AGBL4: variants seen among roughly 807,000 people sequenced by gnomAD.
The protein encoded by AGBL4 is cytosolic carboxypeptidase 6.
A neutral mutation model predicts 66.4 loss-of-function variants in AGBL4; 58 were observed. That is an observed-to-expected ratio of 0.87 (90% confidence interval 0.71 to 1.09). AGBL4 has a LOEUF of 1.09. Among genes scored for constraint, AGBL4 ranks in the 50% least tolerant of loss-of-function variants. The probability of loss-of-function intolerance (pLI) is 0.00; values close to 1 mark genes in which losing one functional copy is unlikely to be tolerated. For synonymous variants in AGBL4, 234 were observed against 222.9 expected (o/e 1.05, Z -0.44); for missense variants, 579 against 631.0 (o/e 0.92, Z 0.88).
intron 3 of AGBL4, among the ~76,000 whole-genome samples, chr1:49,662,463 A>C (rs1302758315): frequency 1.3e-5 from 2 of 152,092 alleles, no homozygotes; most frequent in Non-Finnish European, 2.9e-5. Flanking sequence ...CAACATATTG[A>C]CAGAATTTAG....
chr1:49,067,154 T>A (rs1190758896), intron 4 of AGBL4, among the ~76,000 whole-genome samples: 1 of 152,088 alleles, frequency 6.6e-6, no homozygotes, highest in African/African-American at 2.4e-5. Context: ...GGGTCGGGTG[T>A]TAGCAGACCC....
chr1:49,737,903 G>C (rs1423595366), intron 2 of AGBL4, among the ~76,000 whole-genome samples: 1 of 152,222 alleles, frequency 6.6e-6, no homozygotes, highest in Non-Finnish European at 1.5e-5. Flanking sequence ...CAACACAGAA[G>C]ACGAATGATT....
At chr1:49,525,353 C>A (rs562283790) in intron 3 of AGBL4, among the ~76,000 whole-genome samples, 2 of 152,030 alleles carry the variant, frequency 1.3e-5, no homozygotes, top group South Asian at 4.2e-4. Context: ...GCAGAAAATA[C>A]AACATTTACT....
At chr1:49,645,353 T>C (rs1645864036) in intron 3 of AGBL4, among the ~76,000 whole-genome samples, 1 of 151,266 alleles carries the variant, frequency 6.6e-6, no homozygotes, top group Non-Finnish European at 1.5e-5. Context: ...AAATTATGAA[T>C]ATTGGGTATG....
At chr1:49,623,775 G>A (rs147358436) in intron 3 of AGBL4, among the ~76,000 whole-genome samples, 1 of 152,292 alleles carries the variant, frequency 6.6e-6, no homozygotes, top group African/African-American at 2.4e-5. Flanking sequence ...CAAGGTCAAG[G>A]ACTAGGACTA....
chr1:48,543,659 T>A (rs751605995), intron 11 of AGBL4, among the ~76,000 whole-genome samples: 12 of 152,182 alleles, frequency 7.9e-5, no homozygotes, highest in Admixed American at 2.6e-4. Context: ...CATTACTCCA[T>A]CCAGGACCAT....
At chr1:49,536,887 A>G (rs1651631492) in intron 3 of AGBL4, among the ~76,000 whole-genome samples, 1 of 152,110 alleles carries the variant, frequency 6.6e-6, no homozygotes, top group Admixed American at 6.6e-5. Flanking sequence ...GGGCGCCTGT[A>G]ATGCCAGCCA....
intron 4 of AGBL4, among the ~76,000 whole-genome samples, chr1:49,053,280 C>A (rs1308218280): frequency 1.3e-5 from 2 of 152,094 alleles, no homozygotes; most frequent in Non-Finnish European, 2.9e-5. Context: ...ACAGTGATAA[C>A]CTGTTTTCTC....
intron 11 of AGBL4, among the ~76,000 whole-genome samples, chr1:48,567,716 G>A (rs2148309827): frequency 6.6e-6 from 1 of 152,318 alleles, no homozygotes; most frequent in African/African-American, 2.4e-5. Context: ...GGCTTTGAGA[G>A]GAGGATAGTG....
At chr1:48,592,938 A>C (rs1644940683) in intron 9 of AGBL4, among the ~76,000 whole-genome samples, 1 of 152,210 alleles carries the variant, frequency 6.6e-6, no homozygotes, top group Admixed American at 6.5e-5. Flanking sequence ...CATTTTTCTG[A>C]TAACCATATA....
intron 3 of AGBL4, among the ~76,000 whole-genome samples, chr1:49,362,849 T>G (rs747726065): frequency 2.0e-5 from 3 of 152,184 alleles, no homozygotes; most frequent in Non-Finnish European, 4.4e-5. Context: ...AGTGAAATTC[T>G]GAGACAAGAG....
At chr1:49,453,340 C>G (rs1436965521) in intron 3 of AGBL4, among the ~76,000 whole-genome samples, 5 of 151,822 alleles carry the variant, frequency 3.3e-5, no homozygotes, top group Non-Finnish European at 5.9e-5. Context: ...TCTATAATGA[C>G]TCTTTCACAG....
intron 3 of AGBL4, among the ~76,000 whole-genome samples, chr1:49,395,533 AGT>A (rs149386987): frequency 0.057 from 7,985 of 139,056 alleles, 237 homozygotes; most frequent in South Asian, 0.095. Context: ...GCCAAACACT[AGT>A]GTGTGTGTGT....
At chr1:48,854,277 T>C (rs1647096825) in intron 6 of AGBL4, among the ~76,000 whole-genome samples, 1 of 152,202 alleles carries the variant, frequency 6.6e-6, no homozygotes, top group African/African-American at 2.4e-5. Context: ...TCCTGCTCCA[T>C]ATCTGTTAAT....
At chr1:48,775,211 C>G (rs1645017458) in intron 6 of AGBL4, among the ~76,000 whole-genome samples, 1 of 152,138 alleles carries the variant, frequency 6.6e-6, no homozygotes, top group Non-Finnish European at 1.5e-5. Flanking sequence ...TGTGCCAGGG[C>G]TTATCAGGGA....
chr1:49,341,881 TCTC>T (rs1298003845), intron 3 of AGBL4, among the ~76,000 whole-genome samples: 1 of 152,104 alleles, frequency 6.6e-6, no homozygotes, highest in East Asian at 1.9e-4. Context: ...CCCTCCCCTT[TCTC>T]CTCCTCTCTC....
At chr1:48,613,113 G>A (rs1341818349) in intron 9 of AGBL4, among the ~76,000 whole-genome samples, 1 of 151,920 alleles carries the variant, frequency 6.6e-6, no homozygotes, top group Non-Finnish European at 1.5e-5. Context: ...CAGCCTGGGC[G>A]AGAGAGCAAT....
intron 2 of AGBL4, among the ~76,000 whole-genome samples, chr1:49,792,970 G>C (rs893296517): frequency 3.5e-4 from 53 of 151,926 alleles, no homozygotes; most frequent in African/African-American, 1.3e-3. Flanking sequence ...GTTAGACTAA[G>C]GAGAAATTAT....
Position 48,838,761 on chromosome 1 carries a change from T to C in AGBL4, c.634+28430A>G, listed in dbSNP as rs547956198. On this transcript the variant is annotated intron_variant, in intron 6 of 13. Transcript: ENST00000371839. ...CAAAGTGAAGAGACAAACTACAGAG[T>C]GGGGGAAAATATTTGCAAACAATTC... Among the ~76,000 whole-genome samples the C allele has an allele frequency of 6.6e-5, 10 of 151,598 alleles. No homozygotes were observed. The South Asian group carries it at 1.9e-3, about 29-fold the overall frequency.
Sources: gnomAD v4.1 joint callset for allele counts (sites outside exome capture counted in the v4.1 genomes callset) on GRCh38, gnomAD v4.1.1 for gene constraint, MANE v1.5 for transcripts, NCBI Gene and HGNC (gene_info 2026-07-23, HGNC 2026-07-21) for gene names.